RORB: variants seen among roughly 807,000 people sequenced by gnomAD.
RORB encodes RAR related orphan receptor B, also known as nuclear receptor ROR-beta.
In RORB, 6 loss-of-function variants were observed where a neutral mutation model predicts 59.1. That is an observed-to-expected ratio of 0.10 (90% CI 0.06 to 0.20). The LOEUF (loss-of-function observed/expected upper bound fraction) is 0.20, where lower values mean the gene tolerates loss of function less well. Ranked by LOEUF, RORB falls within the 10% of genes least tolerant of loss-of-function variation. The pLI is 1.00. For missense variants in RORB, 320 were observed against 560.5 expected (o/e 0.57, Z 4.33); for synonymous variants, 215 against 204.5 (o/e 1.05, Z -0.44).
At chr9:74,627,571 G>T (rs1823540488) in intron 1 of RORB, among the ~76,000 whole-genome samples, 10 of 151,928 alleles carry the variant, frequency 6.6e-5, no homozygotes. Flanking sequence ...CACCCCAGGG[G>T]GCAAATTATC....
At chr9:74,537,949 C>G (rs1466020870) in intron 1 of RORB, among the ~76,000 whole-genome samples, 12 of 152,092 alleles carry the variant, frequency 7.9e-5, no homozygotes, top group Non-Finnish European at 1.5e-5. Flanking sequence ...TCAGCTCTCA[C>G]TCACTGACTC....
chr9:74,682,183 C>G (rs1034280951), intron 9 of RORB, among the ~76,000 whole-genome samples: 1 of 151,014 alleles, frequency 6.6e-6, no homozygotes. Context: ...TCCTCACAAC[C>G]TCCCTCTGAG....
At chr9:74,524,263 A>G (rs1293054874) in intron 1 of RORB, among the ~76,000 whole-genome samples, 1 of 151,820 alleles carries the variant, frequency 6.6e-6, no homozygotes, top group Non-Finnish European at 1.5e-5. Flanking sequence ...GTGGGGTTCC[A>G]GAGGAAGGAA....
At chr9:74,671,200 G>C (rs1824340464) in intron 8 of RORB, among the ~76,000 whole-genome samples, 1 of 151,940 alleles carries the variant, frequency 6.6e-6, no homozygotes, top group Non-Finnish European at 1.5e-5. Context: ...GAGAGGGTCT[G>C]AGGGAGGGAG....
At chr9:74,540,010 A>AT (rs1248312962) in intron 1 of RORB, among the ~76,000 whole-genome samples, 3 of 152,106 alleles carry the variant, frequency 2.0e-5, no homozygotes, top group African/African-American at 7.2e-5. Context: ...GAATGAAAAG[A>AT]TTTTTTTCAG....
intron 1 of RORB, among the ~76,000 whole-genome samples, chr9:74,500,385 G>A (rs1825790255): frequency 6.6e-6 from 1 of 152,152 alleles, no homozygotes; most frequent in South Asian, 2.1e-4. Flanking sequence ...CTACTCTGAC[G>A]TCTTGTGGAG....
chr9:74,657,316 T>C (rs1016524401), intron 4 of RORB, among the ~76,000 whole-genome samples: 2 of 152,078 alleles, frequency 1.3e-5, no homozygotes, highest in African/African-American at 4.8e-5. Flanking sequence ...CTGCTTGCCT[T>C]GGCCTCCCAA....
At chr9:74,528,182 A>C (rs909454108) in intron 1 of RORB, among the ~76,000 whole-genome samples, 6 of 151,962 alleles carry the variant, frequency 3.9e-5, no homozygotes, top group African/African-American at 1.2e-4. Flanking sequence ...AGGAGCAAGA[A>C]ATTACCCAAC....
At chr9:74,528,997 G>T (rs1257820269) in intron 1 of RORB, among the ~76,000 whole-genome samples, 1 of 151,960 alleles carries the variant, frequency 6.6e-6, no homozygotes, top group South Asian at 2.1e-4. Flanking sequence ...TTCAAAAAAT[G>T]GTTGATTGAA....
chr9:74,572,100 GCTAATTCCCTAGAGTA>G (rs1822562393), intron 1 of RORB, among the ~76,000 whole-genome samples: 1 of 152,110 alleles, frequency 6.6e-6, no homozygotes, highest in East Asian at 1.9e-4. Flanking sequence ...TTTAGTGAAA[GCTAATTCCCTAGAGTA>G]ACTATTATTG....
chr9:74,666,389 A>C (rs1824265048), intron 7 of RORB, among the ~76,000 whole-genome samples: 1 of 151,872 alleles, frequency 6.6e-6, no homozygotes, highest in Non-Finnish European at 1.5e-5. Flanking sequence ...TGACCCTGGG[A>C]GATTGAGGCT....
At chr9:74,546,182 T>A (rs1373781912) in intron 1 of RORB, among the ~76,000 whole-genome samples, 2 of 152,162 alleles carry the variant, frequency 1.3e-5, no homozygotes, top group African/African-American at 4.8e-5. Context: ...AAAAAATGAT[T>A]TGATTTTAGA....
intron 1 of RORB, among the ~76,000 whole-genome samples, chr9:74,609,561 T>C (rs1007343797): frequency 6.6e-6 from 1 of 152,226 alleles, no homozygotes; most frequent in African/African-American, 2.4e-5. Flanking sequence ...TCAATAAACA[T>C]ACAATTGATA....
intron 4 of RORB, among the ~76,000 whole-genome samples, chr9:74,653,556 G>A (rs1218077809): frequency 6.6e-6 from 1 of 152,072 alleles, no homozygotes; most frequent in Non-Finnish European, 1.5e-5. Flanking sequence ...GAGGGAGGAG[G>A]TGGGAGCTGA....
chr9:74,516,236 C>CATT (rs1428729379), intron 1 of RORB, among the ~76,000 whole-genome samples: 3 of 152,068 alleles, frequency 2.0e-5, no homozygotes, highest in Non-Finnish European at 4.4e-5. Flanking sequence ...ACATGCTTAG[C>CATT]ATTGCACCTG....
At chr9:74,517,312 C>T (rs921044543) in intron 1 of RORB, among the ~76,000 whole-genome samples, 3 of 151,840 alleles carry the variant, frequency 2.0e-5, no homozygotes, top group African/African-American at 4.8e-5. Flanking sequence ...TCTGCTGTAA[C>T]GAAAGGTACT....
chr9:74,613,371 A>G (rs1213343850), intron 1 of RORB, among the ~76,000 whole-genome samples: 1 of 152,210 alleles, frequency 6.6e-6, no homozygotes, highest in African/African-American at 2.4e-5. Flanking sequence ...AATGTATCTA[A>G]TCATAACAAA....
At chr9:74,679,589 ACG>A (rs1267576339) in intron 9 of RORB, among the ~76,000 whole-genome samples, 5 of 152,208 alleles carry the variant, frequency 3.3e-5, no homozygotes, top group Non-Finnish European at 1.5e-5. Context: ...AATAGGTACT[ACG>A]TGCCAGGTGC....
chr9:74,543,052 T>G (rs925668074), intron 1 of RORB, among the ~76,000 whole-genome samples: 1 of 152,220 alleles, frequency 6.6e-6, no homozygotes, highest in Non-Finnish European at 1.5e-5. Context: ...ACTTAGCACA[T>G]GTTCATTACA....
Sources: gnomAD v4.1 joint callset for allele counts (sites outside exome capture counted in the v4.1 genomes callset) on GRCh38, gnomAD v4.1.1 for gene constraint, MANE v1.5 for transcripts, NCBI Gene and HGNC (gene_info 2026-07-23, HGNC 2026-07-21) for gene names.